ADAMTSL1: variants seen among roughly 807,000 people sequenced by gnomAD.
The protein encoded by ADAMTSL1 is ADAMTS-like protein 1.
Under a neutral mutation model 201.8 loss-of-function variants are expected in ADAMTSL1, and 126 were observed. The observed-to-expected ratio is 0.62, with a 90% CI of 0.54 to 0.72. The LOEUF (loss-of-function observed/expected upper bound fraction) is 0.72, where lower values mean the gene tolerates loss of function less well. ADAMTSL1 is among the 30% of genes least tolerant of loss of function. ADAMTSL1 has a pLI of 0.00. For synonymous variants in ADAMTSL1, 1,121 were observed against 903.4 expected, an observed-to-expected ratio of 1.24 and a Z score of -4.32; for missense variants, 2,679 against 2,277.8, an observed-to-expected ratio of 1.18 and a Z score of -3.59.
intron 1 of ADAMTSL1, among the ~76,000 whole-genome samples, chr9:18,051,640 T>A (rs1821946718): frequency 6.6e-6 from 1 of 152,130 alleles, no homozygotes; most frequent in African/African-American, 2.4e-5. Flanking sequence ...ACCATGTAAA[T>A]GGCACATGCC....
chr9:18,431,561 T>C (rs144329928), intron 2 of ADAMTSL1, among the ~76,000 whole-genome samples: 3 of 152,192 alleles, frequency 2.0e-5, no homozygotes, highest in African/African-American at 7.2e-5. Flanking sequence ...ACATTAGAGG[T>C]CATTAGTCCA....
At chr9:18,292,440 C>T (rs1343839506) in intron 2 of ADAMTSL1, among the ~76,000 whole-genome samples, 3 of 152,120 alleles carry the variant, frequency 2.0e-5, no homozygotes, top group African/African-American at 7.2e-5. Context: ...TGAGCGTCAA[C>T]TTGATTGGAT....
intron 4 of ADAMTSL1, among the ~76,000 whole-genome samples, chr9:18,586,071 A>T (rs1310879215): frequency 6.6e-6 from 1 of 152,152 alleles, no homozygotes; most frequent in East Asian, 1.9e-4. Context: ...TCAACATCAT[A>T]TTGGAAGTGC....
rs925746781 is a variant in ADAMTSL1, at chr9:18,180,402, G to A, written c.207+16421G>A. Among the ~76,000 whole-genome samples the A allele has an allele frequency of 1.4e-3, 205 of 151,298 alleles. 1 individual carries two copies. The highest frequency in any genetic ancestry group is 6.9e-3 in the Middle Eastern group (2 of 290). ...CAAAAAATTAGCCAGGCGTAGTGGCGGGCGCCTGTAGTCCCAGCTACTTGG... is the reference window on the plus strand; with the variant it reads ...CAAAAAATTAGCCAGGCGTAGTGGCAGGCGCCTGTAGTCCCAGCTACTTGG... On this transcript the variant is annotated intron_variant, in intron 2 of 29. Transcript: ENST00000680146.
intron 1 of ADAMTSL1, among the ~76,000 whole-genome samples, chr9:18,068,227 GC>G (rs1822796955): frequency 6.6e-6 from 1 of 151,994 alleles, no homozygotes; most frequent in Non-Finnish European, 1.5e-5. Flanking sequence ...AGTGCAGTTG[GC>G]CCTCCATATC....
intron 4 of ADAMTSL1, among the ~76,000 whole-genome samples, chr9:18,594,661 A>T (rs1045600977): frequency 1.3e-5 from 2 of 152,156 alleles, no homozygotes; most frequent in African/African-American, 2.4e-5. Context: ...GTTGATTTTT[A>T]AAAATTATTT....
intron 1 of ADAMTSL1, among the ~76,000 whole-genome samples, chr9:17,986,047 A>G (rs1183656180): frequency 6.6e-6 from 1 of 152,154 alleles, no homozygotes; most frequent in Non-Finnish European, 1.5e-5. Context: ...GTAAAGTTCC[A>G]AATGAATTGA....
intron 2 of ADAMTSL1, among the ~76,000 whole-genome samples, chr9:18,509,772 G>A (rs1419449933): frequency 6.6e-6 from 1 of 152,224 alleles, no homozygotes; most frequent in Non-Finnish European, 1.5e-5. Context: ...CAGAATGGGA[G>A]AGCCAAATTG....
chr9:18,034,179 A>T (rs1272063051), intron 1 of ADAMTSL1, among the ~76,000 whole-genome samples: 1 of 152,130 alleles, frequency 6.6e-6, no homozygotes, highest in Non-Finnish European at 1.5e-5. Context: ...TAACCCCTTG[A>T]CTTAACACTT....
chr9:18,644,314 GA>G (rs1287046880), intron 7 of ADAMTSL1, among the ~76,000 whole-genome samples: 1 of 151,758 alleles, frequency 6.6e-6, no homozygotes, highest in African/African-American at 2.4e-5. Context: ...ATTGCTTTTT[GA>G]AAAAGATATT....
intron 2 of ADAMTSL1, among the ~76,000 whole-genome samples, chr9:18,334,788 T>C (rs1334605395): frequency 6.6e-6 from 1 of 152,146 alleles, no homozygotes; most frequent in African/African-American, 2.4e-5. Flanking sequence ...TATTTAAAGC[T>C]ACCACTTCCA....
At position 18,296,562 on chromosome 9, in the gene ADAMTSL1, C is replaced by G. The variant is rs572674432; in HGVS notation, c.207+132581C>G. On this transcript the variant is annotated intron_variant, in intron 2 of 29. Coordinates refer to the ADAMTSL1 transcript ENST00000680146. ...TACATATAAATAAATTTGGTAAAAC[C>G]TTAATGTTGCATTATATTATTCTTT... 7.1e-4 allele frequency among the ~76,000 whole-genome samples: 108 copies of G among 152,028 alleles called. No individual in the cohort carries two copies. The South Asian group carries it at 0.021, about 29-fold the overall frequency.
intron 2 of ADAMTSL1, among the ~76,000 whole-genome samples, chr9:18,185,135 G>A (rs1017773938): frequency 6.6e-5 from 10 of 152,066 alleles, no homozygotes; most frequent in African/African-American, 2.2e-4. Context: ...TTATAGCCTG[G>A]TGTTCATAAT....
At chr9:18,108,104 GGTGTTTA>G (rs1178030093) in intron 1 of ADAMTSL1, among the ~76,000 whole-genome samples, 5 of 151,928 alleles carry the variant, frequency 3.3e-5, no homozygotes, top group African/African-American at 4.8e-5. Flanking sequence ...AGATATTCTT[GGTGTTTA>G]GTTTCCTCCA....
intron 19 of ADAMTSL1, among the ~76,000 whole-genome samples, chr9:18,785,900 G>A (rs1341510903): frequency 6.6e-6 from 1 of 152,166 alleles, no homozygotes; most frequent in Non-Finnish European, 1.5e-5. Context: ...AAAATTACTG[G>A]ATGAGGATTG....
intron 2 of ADAMTSL1, among the ~76,000 whole-genome samples, chr9:18,254,642 C>T (rs1021679890): frequency 6.6e-6 from 1 of 151,078 alleles, no homozygotes; most frequent in Non-Finnish European, 1.5e-5. Context: ...GGATTACAGG[C>T]GTGAGCCACC....
intron 2 of ADAMTSL1, among the ~76,000 whole-genome samples, chr9:18,196,897 C>A (rs530069241): frequency 6.6e-6 from 1 of 152,068 alleles, no homozygotes; most frequent in Non-Finnish European, 1.5e-5. Flanking sequence ...GCACAAGTGT[C>A]CCCTCCTCAA....
intron 2 of ADAMTSL1, among the ~76,000 whole-genome samples, chr9:18,233,628 A>T (rs1252285680): frequency 1.3e-5 from 2 of 152,106 alleles, no homozygotes; most frequent in Non-Finnish European, 2.9e-5. Flanking sequence ...AGACAAAGAG[A>T]TGAGAAATTG....
At chr9:18,466,713 G>T (rs1274666985) in intron 2 of ADAMTSL1, among the ~76,000 whole-genome samples, 1 of 151,832 alleles carries the variant, frequency 6.6e-6, no homozygotes, top group African/African-American at 2.4e-5. Context: ...TTATTTCATA[G>T]ATTTTGGTAT....
Sources: gnomAD v4.1 joint callset for allele counts (sites outside exome capture counted in the v4.1 genomes callset) on GRCh38, gnomAD v4.1.1 for gene constraint, MANE v1.5 for transcripts, NCBI Gene and HGNC (gene_info 2026-07-23, HGNC 2026-07-21) for gene names.